The following CIITA variants were observed in gnomAD, a reference collection of about 807,000 sequenced individuals.
The protein encoded by CIITA is class II major histocompatibility complex transactivator.
In CIITA, 72 loss-of-function variants were observed where a neutral mutation model predicts 115.1. The ratio of observed to expected loss-of-function variants is 0.63; its 90% CI spans 0.52 to 0.76. The LOEUF (loss-of-function observed/expected upper bound fraction) is 0.76. CIITA is among the 30% of genes least tolerant of loss of function. The pLI is 0.00. For synonymous variants in CIITA, 763 were observed against 635.6 expected (o/e 1.20, Z -3.02); for missense variants, 1,617 against 1,463.8 (o/e 1.10, Z -1.71).
At position 10,907,931 on chromosome 16, in the gene CIITA, C is replaced by T; in HGVS notation, c.2439C>T (p.Ala813=). The change falls in exon 11 of 20, where the codon GCC becomes GCT. Residue 813 remains alanine, a synonymous_variant. Transcript: ENST00000324288. This position sits in a 1 kb window ranked among gnomAD's most constrained non-coding sequence, Gnocchi z 5.0. ...ARQLLELLHC[A]HEAEEAGIWQ... Reference sequence around the variant, plus strand: ...AGCTGCTGGAGCTGCTGCACTGCGCCCACGAGGCCGAGGAGGCTGGAATTT... The same window carrying T: ...AGCTGCTGGAGCTGCTGCACTGCGCTCACGAGGCCGAGGAGGCTGGAATTT... 6.4e-7 allele frequency: 1 copy of T among 1,564,512 alleles called. No individual in the cohort carries two copies. The highest frequency in any genetic ancestry group is 8.6e-7 in the Non-Finnish European group (1 of 1,156,816).
At chr16:10,874,413 C>G (rs1165432937), upstream of CIITA, among the ~76,000 whole-genome samples, 1 of 152,184 alleles carries the variant, frequency 6.6e-6, no homozygotes, top group Non-Finnish European at 1.5e-5. Flanking sequence ...CATTCTGCCT[C>G]TGAGACATCC....
rs375497479 is a variant in CIITA at position 10,877,334 on chromosome 16, C to T, written c.4C>T (p.Arg2Cys). ...GCCTGGCTGGGATTCCTACACAATG[C>T]GTTGCCTGGCTCCACGCCCTGCTGG... Reference protein sequence around the residue: MRCLAPRPAGSY... With the variant: MCCLAPRPAGSY... The change falls in exon 1 of 20, where the codon CGT (arginine) becomes TGT (cysteine). Residue 2 changes from arginine (R) to cysteine (C), a missense_variant. By Grantham distance (180) the Arg-to-Cys change is radical (BLOSUM62 -3). Coordinates refer to ENST00000324288, the MANE Select transcript of CIITA (RefSeq NM_000246.4). 2.8e-5 allele frequency: 45 copies of T among 1,612,894 alleles called. No homozygotes were observed. The highest frequency in any genetic ancestry group is 3.6e-5 in the Non-Finnish European group (42 of 1,179,410).
In CIITA at chr16:10,907,935, G is replaced by C; in HGVS notation, c.2443G>C (p.Glu815Gln). The change falls in exon 11 of 20, where the codon GAG becomes CAG. Residue 815 changes from glutamate to glutamine, a missense_variant. Physicochemically the swap from Glu to Gln is conservative, Grantham distance 29. Transcript: ENST00000324288. The surrounding 1 kb of genome is among the most constrained non-coding windows in gnomAD (Gnocchi z 5.0). ...GCTGGAGCTGCTGCACTGCGCCCAC[G>C]AGGCCGAGGAGGCTGGAATTTGGCA... ...QLLELLHCAH[E>Q]AEEAGIWQHV... 2 of 1,561,260 alleles carry C rather than the reference G, an allele frequency of 1.3e-6. No individual in the cohort carries two copies. Among genetic ancestry groups the C allele is most frequent in the Non-Finnish European group, 1.7e-6 (2 of 1,155,456 alleles).
rs368289650 is a variant in CIITA, at chr16:10,877,342, G to C, written c.12G>C (p.Leu4=). ...GGGATTCCTACACAATGCGTTGCCT[G>C]GCTCCACGCCCTGCTGGGTCCTACC... MRC[L]APRPAGSYLS... Residue 4 remains leucine, a synonymous_variant, in exon 1 of 20, where the codon CTG becomes CTC. Coordinates refer to ENST00000324288, the MANE Select transcript of CIITA (RefSeq NM_000246.4). 6 of 1,613,260 alleles carry C rather than the reference G, an allele frequency of 3.7e-6. No homozygotes were observed. Among genetic ancestry groups the C allele is most frequent in the Non-Finnish European group, 5.1e-6 (6 of 1,179,568 alleles).
chr16:10,882,594 A>G (rs1351036930), intron 1 of CIITA, among the ~76,000 whole-genome samples: 3 of 151,964 alleles, frequency 2.0e-5, no homozygotes, highest in Admixed American at 6.6e-5. Context: ...ATAAAAATAA[A>G]TTTTTGAAAA....
At chr16:10,904,891 A>T in intron 10 of CIITA, 79 bp downstream of exon 10, 1 of 1,418,550 alleles carries the variant, frequency 7.0e-7, no homozygotes, top group Non-Finnish European at 1.0e-6. Context: ...CATTCACTTG[A>T]CACTTATTCA....
At chr16:10,905,211 G>A (rs1308249240) in intron 10 of CIITA, among the ~76,000 whole-genome samples, 3 of 152,186 alleles carry the variant, frequency 2.0e-5, no homozygotes, top group African/African-American at 7.2e-5. Context: ...TCACATACTG[G>A]TCTAAGCATG....
chr16:10,899,331 G>A (rs929791541), intron 5 of CIITA, among the ~76,000 whole-genome samples: 2 of 152,154 alleles, frequency 1.3e-5, no homozygotes, highest in South Asian at 4.1e-4. Context: ...CTTTGCAGTT[G>A]CTATAGTCTC....
chr16:10,932,002 G>T lies in CIITA; in HGVS notation c.*8147G>T, dbSNP rs2040818336. The T allele has an allele frequency of 6.6e-6, 1 of 152,266 alleles. No individual in the cohort carries two copies. Among genetic ancestry groups the T allele is most frequent in the Non-Finnish European group, 1.5e-5 (1 of 68,050 alleles). 9.4% of individuals were successfully genotyped at this position (152,266 alleles called of 1,614,324 possible). On this transcript the variant is annotated 3_prime_UTR_variant, in exon 20 of 20. Transcript: ENST00000324288. ...GCAGATACAGGAAAAGCTGCTGACA[G>T]TGTTGTATGAGGTTTGAGGATTTTG...
chr16:10,869,820 G>A (rs1257288194), intron 1 of CIITA, among the ~76,000 whole-genome samples: 1 of 151,994 alleles, frequency 6.6e-6, no homozygotes, highest in Non-Finnish European at 1.5e-5. Flanking sequence ...CCCACCTTCT[G>A]TATATCTTAC....
At position 10,932,224 on chromosome 16, in the gene CIITA, C is replaced by A. The variant is rs575386827; in HGVS notation, c.*8369C>A. On this transcript the variant is annotated 3_prime_UTR_variant, in exon 20 of 20. Transcript: ENST00000324288. ...TTTGGCTATTAGAGATCAACCCCTT[C>A]GCTCCTGTGTCTTGCAATGGCAGCC... 1.3e-5 allele frequency: 2 copies of A among 152,252 alleles called. No homozygotes were observed. The highest frequency in any genetic ancestry group is 1.3e-4 in the Admixed American group (2 of 15,286). 9.4% of individuals were successfully genotyped at this position (152,252 alleles called of 1,614,324 possible).
chr16:10,887,561 T>A (rs1434675487), intron 1 of CIITA, among the ~76,000 whole-genome samples: 1 of 151,704 alleles, frequency 6.6e-6, no homozygotes, highest in Non-Finnish European at 1.5e-5. Context: ...AGTGGCGTGA[T>A]CTCGGCTCAC....
chr16:10,873,736 C>T (rs1411155482), upstream of CIITA, among the ~76,000 whole-genome samples: 1 of 152,102 alleles, frequency 6.6e-6, no homozygotes, highest in African/African-American at 2.4e-5. Context: ...CCAGGGGACC[C>T]CAGCATGGCA....
Position 10,929,283 on chromosome 16 carries a change from G to C in CIITA, c.*5428G>C. ...TTGAAGTGTCCTCTCCGAAGGTGAAGTGGGGGAAGCAGGTGCGCTCCGGGA... is the reference window on the plus strand; with the variant it reads ...TTGAAGTGTCCTCTCCGAAGGTGAACTGGGGGAAGCAGGTGCGCTCCGGGA... On this transcript the variant is annotated 3_prime_UTR_variant, in exon 20 of 20. Coordinates refer to ENST00000324288, the MANE Select transcript of CIITA (RefSeq NM_000246.4). The surrounding 1 kb of genome is among the most constrained non-coding windows in gnomAD (Gnocchi z 4.3). 1 of 985,962 alleles carries C rather than the reference G, an allele frequency of 1.0e-6. No homozygotes were observed. Among genetic ancestry groups the C allele is most frequent in the Non-Finnish European group, 1.2e-6 (1 of 829,984 alleles). The allele number at this position is 985,962 out of a possible 1,614,324, so 61.1% of individuals were successfully genotyped here.
chr16:10,915,532 T>A (rs1397945857), intron 13 of CIITA, 38 bp from the exon 14 acceptor site: 1 of 1,534,460 alleles, frequency 6.5e-7, no homozygotes, highest in Non-Finnish European at 9.0e-7. Flanking sequence ...GGGCTGTGAC[T>A]GTGACTGGAG....
chr16:10,885,182 G>A (rs1255638632), intron 1 of CIITA, among the ~76,000 whole-genome samples: 1 of 152,140 alleles, frequency 6.6e-6, no homozygotes. Flanking sequence ...TAGGCCTATC[G>A]ACTGGATTCA....
chr16:10,910,302 T>TC (rs2039473444), intron 13 of CIITA, 43 bp downstream of exon 13: 2 of 1,532,978 alleles, frequency 1.3e-6, no homozygotes, highest in Non-Finnish European at 9.0e-7. Flanking sequence ...GCGCAAGGTT[T>TC]CCCCTGCAGC....
downstream of CIITA, chr16:10,939,760 G>A (rs146138612): frequency 6.6e-5 from 10 of 152,358 alleles, no homozygotes; most frequent in African/African-American, 2.2e-4. The surrounding 1 kb of genome is among the most constrained non-coding windows in gnomAD (Gnocchi z 4.9). Flanking sequence ...TTGAGGACAT[G>A]GCAGTGAACA....
rs8056269 is a variant in CIITA at position 10,918,710 on chromosome 16, G to T, written c.3149+184G>T. ...GCAAGTCAGTTATTCATTCCTAGCC[G>T]CTGTTTTCTTACCTGGAAAATGGGA... On this transcript the variant is annotated intron_variant, in intron 16 of 19. Transcript: ENST00000324288. Among the ~76,000 whole-genome samples the T allele has an allele frequency of 3.9e-5, 6 of 152,180 alleles. No homozygotes were observed. The South Asian group carries it at 1.2e-3, about 32-fold the overall frequency.
Sources: allele counts gnomAD v4.1 joint callset (sites outside exome capture counted in the v4.1 genomes callset), GRCh38; gene constraint gnomAD v4.1.1; non-coding constraint Gnocchi (gnomAD v3.1); transcripts MANE v1.5; gene names NCBI Gene and HGNC (gene_info 2026-07-23, HGNC 2026-07-21).